Variants in MYBPHL observed in about 807,000 individuals in gnomAD.
MYBPHL encodes the protein myosin binding protein H like, also known as myosin-binding protein H-like.
A neutral mutation model predicts 39.5 loss-of-function variants in MYBPHL; 32 were observed. The ratio of observed to expected loss-of-function variants is 0.81; its 90% CI spans 0.61 to 1.09. The LOEUF is 1.09. MYBPHL is among the 50% of genes least tolerant of loss of function. The probability of loss-of-function intolerance (pLI) is 0.00; values close to 1 mark genes in which losing one functional copy is unlikely to be tolerated. For synonymous variants in MYBPHL, 196 were observed against 183.7 expected, an observed-to-expected ratio of 1.07 and a Z score of -0.54; for missense variants, 456 against 460.2, an observed-to-expected ratio of 0.99 and a Z score of 0.08.
chr1:109,301,281 A>T (rs1225971299), intron 1 of MYBPHL, among the ~76,000 whole-genome samples: 1 of 152,136 alleles, frequency 6.6e-6, no homozygotes, highest in African/African-American at 2.4e-5. Flanking sequence ...GTTTTCTAAG[A>T]GCAGGTCTGT....
intron 1 of MYBPHL, among the ~76,000 whole-genome samples, chr1:109,303,068 G>C (rs868147555): frequency 2.6e-5 from 4 of 152,218 alleles, no homozygotes; most frequent in African/African-American, 9.7e-5. Context: ...CCACATGGAG[G>C]AGAACTATCT....
chr1:109,303,910 C>T (rs1570858690), intron 1 of MYBPHL, among the ~76,000 whole-genome samples: 1 of 151,888 alleles, frequency 6.6e-6, no homozygotes, highest in East Asian at 1.9e-4. Context: ...GCCTCAGGGT[C>T]CTTGCAGTTG....
In MYBPHL at chr1:109,297,418, G is replaced by A. The variant is rs774262583; in HGVS notation, c.430+4C>T. The stretch of plus-strand genomic sequence containing the variant: ...CCCCCCATCTCCCACTTCCCCCACC[G>A]TACCAATCACCAGGATGTCAATGGT... On this transcript the variant is annotated splice_donor_region_variant and intron_variant, in intron 3 of 8. Transcript: ENST00000357155. 3.9e-5 allele frequency: 62 copies of A among 1,610,100 alleles called. No individual in the cohort carries two copies. Among genetic ancestry groups the A allele is most frequent in the Middle Eastern group, 2.0e-4 (1 of 4,892 alleles).
chr1:109,296,184 G>A, intron 6 of MYBPHL, 50 bp downstream of exon 6: 1 of 1,601,700 alleles, frequency 6.2e-7, no homozygotes, highest in Non-Finnish European at 8.5e-7. Context: ...GTTAGGACAG[G>A]CAGGAACAAG....
At position 109,296,235 on chromosome 1, in the gene MYBPHL, C is replaced by T. The variant is rs138548862; in HGVS notation, c.866G>A (p.Arg289Gln). 1.5e-4 allele frequency: 234 copies of T among 1,613,150 alleles called. 1 individual carries two copies. In the Middle Eastern group the frequency reaches 1.8e-3, roughly 12 times the overall value. Reference sequence around the variant, plus strand: ...GTGCCCCCCAGAGCCCCCACTCACCCGGGGAGAGGCGCGGACACAGCAGAA... The same window carrying T: ...GTGCCCCCCAGAGCCCCCACTCACCTGGGGAGAGGCGCGGACACAGCAGAA... ...QLFCCVRASP[R>Q]PKIIWLKNKM... The change falls in exon 6 of 9, where the codon CGG becomes CAG. Residue 289 changes from arginine (R) to glutamine (Q), a missense_variant and splice_region_variant. By Grantham distance (43) the Arg-to-Gln change is conservative (BLOSUM62 1). Coordinates refer to ENST00000357155, the MANE Select transcript of MYBPHL (RefSeq NM_001010985.3).
chr1:109,299,011 A>G lies in MYBPHL; in HGVS notation c.146-754T>C, dbSNP rs1658187105. Among the ~76,000 whole-genome samples, 5 of 152,318 alleles carry G rather than the reference A, an allele frequency of 3.3e-5. No homozygotes were observed. The South Asian group carries it at 8.3e-4, about 25-fold the overall frequency. ...CAGGATGAAGACAGGAAATGCTTGG[A>G]AAAGTGCTGAGTGTAGGTTTGGAGA... On this transcript the variant is annotated intron_variant, in intron 1 of 8. Coordinates refer to ENST00000357155, the MANE Select transcript of MYBPHL (RefSeq NM_001010985.3).
Position 109,292,645 on chromosome 1 carries a change from G to A in MYBPHL, c.*34-57C>T, listed in dbSNP as rs1248692599. ...AACACAAGTATCATTAACACAGAGA[G>A]GGAGGTGAGGGAGGGAGAGTTGTCT... On this transcript the variant is annotated intron_variant, in intron 8 of 8. Coordinates refer to ENST00000357155, the MANE Select transcript of MYBPHL (RefSeq NM_001010985.3). The A allele has an allele frequency of 3.3e-5, 5 of 152,386 alleles. No individual in the cohort carries two copies. In the East Asian group the frequency reaches 9.6e-4, roughly 29 times the overall value. 9.4% of individuals were successfully genotyped at this position (152,386 alleles called of 1,614,324 possible). A position where few individuals can be genotyped will look rare whatever the true frequency, so the allele number is the denominator to read the frequency against.
At chr1:109,301,100 T>A (rs1658260399) in intron 1 of MYBPHL, among the ~76,000 whole-genome samples, 1 of 152,170 alleles carries the variant, frequency 6.6e-6, no homozygotes, top group Non-Finnish European at 1.5e-5. Flanking sequence ...TTGCTAAGAA[T>A]GTGAACGCCG....
chr1:109,299,383 A>G (rs1334266320), intron 1 of MYBPHL, among the ~76,000 whole-genome samples: 1 of 152,238 alleles, frequency 6.6e-6, no homozygotes, highest in Non-Finnish European at 1.5e-5. Context: ...CTGTGAAAAT[A>G]CTTCCCTGAG....
At chr1:109,297,348 T>TCTGAGCTGGCTCCTCTTCAGC in intron 3 of MYBPHL, 74 bp downstream of exon 3, 6 of 1,559,756 alleles carry the variant, frequency 3.8e-6, no homozygotes, top group African/African-American at 1.4e-5. Context: ...TCCCCAGCTC[T>TCTGAGCTGGCTCCTCTTCAGC]CTGAGCTGGC....
Position 109,295,120 on chromosome 1 carries a change from C to T in MYBPHL, c.1045G>A (p.Asp349Asn). 1 of 1,613,180 alleles carries T rather than the reference C, an allele frequency of 6.2e-7. No homozygotes were observed. The highest frequency in any genetic ancestry group is 8.5e-7 in the Non-Finnish European group (1 of 1,179,902). ...LGEASVDCRV[D>N]VKVPN Reference sequence around the variant, plus strand: ...CTCCTCTTGCCCTTACCTTTCACATCCACCCGACAGTCCACAGATGCCTCC... The same window carrying T: ...CTCCTCTTGCCCTTACCTTTCACATTCACCCGACAGTCCACAGATGCCTCC... The change falls in exon 7 of 9, where the codon GAT becomes AAT. Residue 349 changes from aspartate (D) to asparagine (N), a missense_variant. Asp to Asn is a conservative substitution (Grantham distance 23). Coordinates refer to ENST00000357155, the MANE Select transcript of MYBPHL (RefSeq NM_001010985.3).
At chr1:109,296,206 C>A (rs1658052636) in intron 6 of MYBPHL, 28 bp downstream of exon 6, 3 of 1,611,298 alleles carry the variant, frequency 1.9e-6, no homozygotes, top group Non-Finnish European at 2.5e-6. Flanking sequence ...AGCAGCTCAG[C>A]ACAGTGCCCC....
intron 1 of MYBPHL, among the ~76,000 whole-genome samples, chr1:109,302,099 A>G (rs1658311254): frequency 6.6e-6 from 1 of 151,484 alleles, no homozygotes; most frequent in South Asian, 2.1e-4. Flanking sequence ...ACGTGCATGA[A>G]TGTGTGTATG....
rs1658099466 is a variant in MYBPHL at position 109,297,038 on chromosome 1, A to G, written c.570+12T>C. ...CCCTCTTCCACCCTCCTTCCTTCCCAGCTGGCCTCACCCCGGATTTTGTGT... is the reference window on the plus strand; with the variant it reads ...CCCTCTTCCACCCTCCTTCCTTCCCGGCTGGCCTCACCCCGGATTTTGTGT... On this transcript the variant is annotated intron_variant, in intron 4 of 8. Transcript: ENST00000357155. 3 of 1,613,868 alleles carry G rather than the reference A, an allele frequency of 1.9e-6. No individual in the cohort carries two copies. The highest frequency in any genetic ancestry group is 1.6e-4 in the Middle Eastern group (1 of 6,084).
intron 4 of MYBPHL, 24 bp from the exon 5 acceptor site, chr1:109,296,966 G>T (rs778755259): frequency 1.9e-6 from 3 of 1,613,958 alleles, no homozygotes; most frequent in Middle Eastern, 1.6e-4. Flanking sequence ...CATGATGCCA[G>T]AAATCAGCCA....
rs1413498094 is a variant in MYBPHL, at chr1:109,298,273, A to G, written c.146-16T>C. On this transcript the variant is annotated splice_polypyrimidine_tract_variant and intron_variant, in intron 1 of 8. Transcript: ENST00000357155. ...TTGGGGTGCTCTGAGTGATGGAAAG[A>G]GAGAGAATAGGAGATGGATACTCAG... 8.1e-6 allele frequency: 13 copies of G among 1,603,812 alleles called. No homozygotes were observed. The highest frequency in any genetic ancestry group is 1.1e-5 in the Non-Finnish European group (13 of 1,174,224).
At chr1:109,302,064 T>TGTGTGTGAATGTGTGTGTTTGTGTAC (rs1658309180) in intron 1 of MYBPHL, among the ~76,000 whole-genome samples, 2 of 151,672 alleles carry the variant, frequency 1.3e-5, no homozygotes, top group South Asian at 4.2e-4. Context: ...TGTGAGTGTA[T>TGTGTGTGAATGTGTGTGTTTGTGTAC]GTGTGTGAAT....
At chr1:109,298,517 C>T (rs1658169933) in intron 1 of MYBPHL, among the ~76,000 whole-genome samples, 1 of 152,170 alleles carries the variant, frequency 6.6e-6, no homozygotes, top group Non-Finnish European at 1.5e-5. Flanking sequence ...ATTTGTAACT[C>T]TCAAGTACTG....
Position 109,297,478 on chromosome 1 carries a change from A to T in MYBPHL, c.374T>A (p.Leu125His). The change falls in exon 3 of 9, where the codon CTC (leucine) becomes CAC (histidine). Residue 125 changes from leucine to histidine, a missense_variant. Transcript: ENST00000357155. ...CTCCAGCCCACCCAGCTGCACGCGG[A>T]GTTGGTAGCGACCTGAGTCAGCACG... ...AQRADSGRYQ[L>H]RVQLGGLEAT... is the part of the protein sequence containing the mutation. The T allele has an allele frequency of 6.2e-7, 1 of 1,613,240 alleles. No homozygotes were observed. Among genetic ancestry groups the T allele is most frequent in the Non-Finnish European group, 8.5e-7 (1 of 1,179,952 alleles).
Sources: gnomAD v4.1 joint callset for allele counts (sites outside exome capture counted in the v4.1 genomes callset) on GRCh38, gnomAD v4.1.1 for gene constraint, MANE v1.5 for transcripts, NCBI Gene and HGNC (gene_info 2026-07-23, HGNC 2026-07-21) for gene names.